The following PPP1R9A variants were observed in gnomAD, a reference collection of about 807,000 sequenced individuals.
PPP1R9A encodes the protein protein phosphatase 1 regulatory subunit 9A, also known as neurabin-1.
Under a neutral mutation model 141.9 loss-of-function variants are expected in PPP1R9A, and 59 were observed. The observed-to-expected ratio is 0.42, with a 90% CI of 0.34 to 0.52. PPP1R9A has a LOEUF of 0.52. Ranked by LOEUF, PPP1R9A falls within the 20% of genes least tolerant of loss-of-function variation. The pLI, the probability that PPP1R9A is intolerant of heterozygous loss-of-function variation, is 0.10. For missense variants in PPP1R9A, 1,444 were observed against 1,611.9 expected (o/e 0.90, Z 1.78); for synonymous variants, 500 against 569.7 (o/e 0.88, Z 1.74).
At chr7:94,990,976 T>C (rs959552706) in intron 2 of PPP1R9A, among the ~76,000 whole-genome samples, 4 of 152,158 alleles carry the variant, frequency 2.6e-5, no homozygotes, top group Non-Finnish European at 4.4e-5. Flanking sequence ...ATTTCATATC[T>C]TGGCTATTGT....
At chr7:95,175,256 T>TTGGATGGATGGATGGATGGATGGA (rs61519780) in intron 5 of PPP1R9A, among the ~76,000 whole-genome samples, 1 of 146,606 alleles carries the variant, frequency 6.8e-6, no homozygotes, top group African/African-American at 2.5e-5. Context: ...CAATAACTAG[T>TTGGATGGATGGATGGATGGATGGA]TGGATGGATG....
At chr7:95,088,386 T>C (rs1032260932) in intron 2 of PPP1R9A, among the ~76,000 whole-genome samples, 1 of 151,878 alleles carries the variant, frequency 6.6e-6, no homozygotes, top group Non-Finnish European at 1.5e-5. Context: ...AGGACCATGG[T>C]GTTCAGTATT....
chr7:95,150,358 C>T lies in PPP1R9A; in HGVS notation c.1650-11509C>T, dbSNP rs942349293. On this transcript the variant is annotated intron_variant, in intron 4 of 19. Transcript: ENST00000433360. Reference sequence around the variant, plus strand: ...TGCTCTGTCGCCCAGGCTGGAGTGCCGTGGCACAATCTCGGCTCACTGCAA... The same window carrying T: ...TGCTCTGTCGCCCAGGCTGGAGTGCTGTGGCACAATCTCGGCTCACTGCAA... Among the ~76,000 whole-genome samples the T allele has an allele frequency of 1.3e-5, 2 of 152,044 alleles. 1 individual carries two copies. The highest frequency in any genetic ancestry group is 4.1e-4 in the South Asian group (2 of 4,820).
intron 2 of PPP1R9A, among the ~76,000 whole-genome samples, chr7:94,975,347 TTTTTTTTTG>T (rs1163666683): frequency 3.4e-5 from 1 of 29,638 alleles, no homozygotes; most frequent in Non-Finnish European, 6.8e-5. Flanking sequence ...CAGGCTGTAG[TTTTTTTTTG>T]TTTTTTTTTT....
intron 2 of PPP1R9A, among the ~76,000 whole-genome samples, chr7:95,072,795 T>C (rs1399929836): frequency 1.0e-5 from 1 of 97,320 alleles, no homozygotes; most frequent in Non-Finnish European, 1.9e-5. Flanking sequence ...TTATATATTA[T>C]ATTTATAATT....
intron 2 of PPP1R9A, among the ~76,000 whole-genome samples, chr7:94,955,443 C>T (rs976031041): frequency 4.0e-5 from 6 of 151,418 alleles, no homozygotes; most frequent in Admixed American, 6.6e-5. Flanking sequence ...TTTTTTTTTC[C>T]TATTACAAAA....
At chr7:95,110,015 C>A (rs763542213) in intron 2 of PPP1R9A, among the ~76,000 whole-genome samples, 1 of 151,942 alleles carries the variant, frequency 6.6e-6, no homozygotes, top group Non-Finnish European at 1.5e-5. Context: ...AAATAGGGAT[C>A]CAAGTGGCAT....
intron 2 of PPP1R9A, among the ~76,000 whole-genome samples, chr7:94,927,750 G>A (rs547522428): frequency 3.3e-5 from 5 of 152,288 alleles, no homozygotes; most frequent in Admixed American, 2.0e-4. Flanking sequence ...GATAAGTGCT[G>A]TGATAGAGGT....
At chr7:95,104,936 G>T (rs1016980568) in intron 2 of PPP1R9A, among the ~76,000 whole-genome samples, 1 of 151,640 alleles carries the variant, frequency 6.6e-6, no homozygotes, top group African/African-American at 2.4e-5. Flanking sequence ...ACCTGTTTGT[G>T]GAAGCATGTG....
Position 95,120,811 on chromosome 7 carries a change from G to A in PPP1R9A, c.1628G>A (p.Gly543Asp). Residue 543 changes from glycine to aspartate, a missense_variant, in exon 4 of 20, where the codon GGT becomes GAT. Physicochemically the swap from Gly to Asp is moderately conservative, Grantham distance 94 (BLOSUM62 -1). Coordinates refer to ENST00000433360, the MANE Select transcript of PPP1R9A (RefSeq NM_001166160.2). Reference sequence around the variant, plus strand: ...TTCGTCAAGACAGTAACAGAAGGTGGTGCTGCTCAACGGGATGGCAGGTAA... The same window carrying A: ...TTCGTCAAGACAGTAACAGAAGGTGATGCTGCTCAACGGGATGGCAGGTAA... Reference protein sequence around the residue: ...GIFVKTVTEGGAAQRDGRIQV... With the variant: ...GIFVKTVTEGDAAQRDGRIQV... The A allele has an allele frequency of 6.2e-7, 1 of 1,613,756 alleles. No individual in the cohort carries two copies. Among genetic ancestry groups the A allele is most frequent in the Non-Finnish European group, 8.5e-7 (1 of 1,179,804 alleles).
Position 95,170,078 on chromosome 7 carries a change from A to G in PPP1R9A, c.1754+8107A>G, listed in dbSNP as rs181760253. Among the ~76,000 whole-genome samples, 125 of 151,948 alleles carry G rather than the reference A, an allele frequency of 8.2e-4. 2 individuals are homozygous for G. Among genetic ancestry groups the G allele is most frequent in the African/African-American group, 2.9e-3 (119 of 41,570 alleles). On this transcript the variant is annotated intron_variant, in intron 5 of 19. Transcript: ENST00000433360. ...GTTCTACTCCAACTTCTAAAATGAA[A>G]CATATGTGTTATGAAATGTACATTG...
intron 2 of PPP1R9A, among the ~76,000 whole-genome samples, chr7:95,038,249 C>G (rs1808730409): frequency 6.6e-6 from 1 of 152,164 alleles, no homozygotes; most frequent in Admixed American, 6.6e-5. Flanking sequence ...AATCTGGAGA[C>G]AGGTGCCTCC....
chr7:95,289,256 T>C (rs547051380), intron 19 of PPP1R9A, among the ~76,000 whole-genome samples: 4 of 152,144 alleles, frequency 2.6e-5, no homozygotes, highest in Non-Finnish European at 5.9e-5. Flanking sequence ...CAAGGTGGCA[T>C]CCATCCCTTT....
At chr7:95,048,118 A>T (rs1199772577) in intron 2 of PPP1R9A, among the ~76,000 whole-genome samples, 1 of 152,228 alleles carries the variant, frequency 6.6e-6, no homozygotes, top group East Asian at 1.9e-4. Context: ...ATGGTAGTAC[A>T]TAAAGTCCAG....
chr7:94,974,253 T>C (rs1007014954), intron 2 of PPP1R9A, among the ~76,000 whole-genome samples: 9 of 152,104 alleles, frequency 5.9e-5, no homozygotes, highest in Admixed American at 1.3e-4. Flanking sequence ...AGGACAGAAA[T>C]TGCATTTTTA....
intron 8 of PPP1R9A, among the ~76,000 whole-genome samples, chr7:95,241,888 T>G (rs1210211976): frequency 6.6e-6 from 1 of 152,142 alleles, no homozygotes; most frequent in South Asian, 2.1e-4. Context: ...AGAGCTGTAA[T>G]TACAGGCCAT....
At chr7:95,167,356 A>G (rs1274633852) in intron 5 of PPP1R9A, among the ~76,000 whole-genome samples, 1 of 152,206 alleles carries the variant, frequency 6.6e-6, no homozygotes, top group African/African-American at 2.4e-5. Flanking sequence ...ACAATTGAAG[A>G]TGAGATTTGG....
chr7:95,010,645 T>C (rs1804285239), intron 2 of PPP1R9A, among the ~76,000 whole-genome samples: 1 of 152,114 alleles, frequency 6.6e-6, no homozygotes, highest in South Asian at 2.1e-4. Flanking sequence ...CAAGATGGAG[T>C]AGTCCCTTAT....
chr7:95,152,789 G>T (rs912068269), intron 4 of PPP1R9A, among the ~76,000 whole-genome samples: 1 of 150,556 alleles, frequency 6.6e-6, no homozygotes, highest in Non-Finnish European at 1.5e-5. Flanking sequence ...TGCCTATCAT[G>T]CACAAGCAAT....
Sources: gnomAD v4.1 joint callset for allele counts (sites outside exome capture counted in the v4.1 genomes callset) on GRCh38, gnomAD v4.1.1 for gene constraint, MANE v1.5 for transcripts, NCBI Gene and HGNC (gene_info 2026-07-23, HGNC 2026-07-21) for gene names.